EPB41L3: variants seen among roughly 807,000 people sequenced by gnomAD.
EPB41L3 encodes the protein erythrocyte membrane protein band 4.1 like 3.
In EPB41L3, 57 loss-of-function variants were observed where a neutral mutation model predicts 127.1. That is an observed-to-expected ratio of 0.45 (90% CI 0.36 to 0.56). The LOEUF is 0.56. EPB41L3 is among the 20% of genes least tolerant of loss of function. The probability of loss-of-function intolerance (pLI) is 0.00; values close to 1 mark genes in which losing one functional copy is unlikely to be tolerated. For synonymous variants in EPB41L3, 572 were observed against 549.5 expected, an observed-to-expected ratio of 1.04 and a Z score of -0.57; for missense variants, 1,273 against 1,372.2, an observed-to-expected ratio of 0.93 and a Z score of 1.14.
chr18:5,568,448 A>AT (rs71163238), intron 3 of EPB41L3, among the ~76,000 whole-genome samples: 1 of 150,138 alleles, frequency 6.7e-6, no homozygotes, highest in African/African-American at 2.4e-5. Flanking sequence ...AAAAAAAAAA[A>AT]GTATGAGAGA....
At chr18:5,531,436 C>CTA (rs1237887107) in intron 1 of EPB41L3, among the ~76,000 whole-genome samples, 1 of 152,070 alleles carries the variant, frequency 6.6e-6, no homozygotes, top group Non-Finnish European at 1.5e-5. Flanking sequence ...AGAAAAAAGA[C>CTA]TATAGGTTGG....
At chr18:5,503,383 G>GA (rs1009107386) in intron 1 of EPB41L3, among the ~76,000 whole-genome samples, 5 of 152,074 alleles carry the variant, frequency 3.3e-5, no homozygotes, top group African/African-American at 7.2e-5. Flanking sequence ...CGGAGTGCCC[G>GA]AAAAAAACAT....
chr18:5,445,738 G>A (rs1027901774), intron 3 of EPB41L3, among the ~76,000 whole-genome samples: 1 of 152,224 alleles, frequency 6.6e-6, no homozygotes, highest in Non-Finnish European at 1.5e-5. Flanking sequence ...CACAGCAAGA[G>A]GTGGGTGGCA....
rs202173339 is a variant in EPB41L3 at position 5,469,269 on chromosome 18, T to TG, written c.381+8971dup. Among the ~76,000 whole-genome samples the TG allele has an allele frequency of 5.6e-3, 860 of 152,264 alleles. 4 individuals are homozygous for TG. The highest frequency in any genetic ancestry group is 0.019 in the African/African-American group (802 of 41,564). ...TGAGCCAGGGCTGTGACATCCTCTT[T>TG]GGGGGGTCTGTGGTTTCTGGCATCT... On this transcript the variant is annotated intron_variant, in intron 3 of 22. Coordinates refer to ENST00000341928, the MANE Select transcript of EPB41L3 (RefSeq NM_012307.5).
intron 10 of EPB41L3, 65 bp from the exon 11 acceptor site, chr18:5,423,618 C>CT (rs2077753401): frequency 7.0e-7 from 1 of 1,437,280 alleles, no homozygotes; most frequent in Non-Finnish European, 9.4e-7. Context: ...GCTTTTTAAA[C>CT]TTTTTACTCT....
chr18:5,425,282 T>TG (rs1324971453), intron 9 of EPB41L3, among the ~76,000 whole-genome samples: 3 of 152,198 alleles, frequency 2.0e-5, no homozygotes, highest in Non-Finnish European at 4.4e-5. Context: ...TTGTTGAGGA[T>TG]GATTAGGGGA....
At position 5,397,450 on chromosome 18, in the gene EPB41L3, T is replaced by C. The variant is rs753866748; in HGVS notation, c.2473-24A>G. The C allele has an allele frequency of 3.8e-6, 6 of 1,586,520 alleles. No individual in the cohort carries two copies. In the South Asian group the frequency reaches 6.9e-5, roughly 18 times the overall value. On this transcript the variant is annotated intron_variant, in intron 17 of 22. Coordinates refer to ENST00000341928, the MANE Select transcript of EPB41L3 (RefSeq NM_012307.5). This position sits in a 1 kb window ranked among gnomAD's most constrained non-coding sequence, Gnocchi z 4.1. Reference sequence around the variant, plus strand: ...TTCTGCATGGGAAGAGATTGTGGCATCAGTGTGACCATCCATAAACCAAAG... The same window carrying C: ...TTCTGCATGGGAAGAGATTGTGGCACCAGTGTGACCATCCATAAACCAAAG...
In EPB41L3 at chr18:5,496,190, C is replaced by T. The variant is rs368675871; in HGVS notation, c.-11-6996G>A. 9.2e-5 allele frequency among the ~76,000 whole-genome samples: 14 copies of T among 152,254 alleles called. 2 individuals are homozygous for T. The South Asian group carries it at 1.9e-3, about 20-fold the overall frequency. On this transcript the variant is annotated intron_variant, in intron 1 of 22. Transcript: ENST00000341928. ...TTCAAAAATGTTTAGATCTTCTATG[C>T]GTGAGCAGAAAAATCAACAAATATA...
At chr18:5,417,203 C>T (rs1022133539) in intron 12 of EPB41L3, among the ~76,000 whole-genome samples, 8 of 152,080 alleles carry the variant, frequency 5.3e-5, no homozygotes, top group African/African-American at 1.9e-4. Flanking sequence ...ATATAATTTC[C>T]CAGCCTTCTG....
intron 3 of EPB41L3, among the ~76,000 whole-genome samples, chr18:5,599,264 C>T (rs1348415586): frequency 1.3e-5 from 2 of 152,166 alleles, no homozygotes; most frequent in Non-Finnish European, 2.9e-5. Context: ...AAATATTACT[C>T]CCATTGTAAT....
rs550438645 is a variant in EPB41L3, at chr18:5,397,172, G to A, written c.2727C>T (p.Val909=). The change falls in exon 18 of 23, where the codon GTC becomes GTT. Residue 909 remains valine (V), a synonymous_variant. Transcript: ENST00000341928. This position sits in a 1 kb window ranked among gnomAD's most constrained non-coding sequence, Gnocchi z 4.1. Reference sequence around the variant, plus strand: ...CTTCCTGTTCCAGGACAGCTTTAGCGACCTCCTCCCCTCCTTCCTCTTTAG... The same window carrying A: ...CTTCCTGTTCCAGGACAGCTTTAGCAACCTCCTCCCCTCCTTCCTCTTTAG... ...EGAKEEGGEE[V]AKAVLEQEET... The A allele has an allele frequency of 5.6e-6, 9 of 1,614,158 alleles. No individual in the cohort carries two copies. Among genetic ancestry groups the A allele is most frequent in the African/African-American group, 2.7e-5 (2 of 75,046 alleles).
intron 3 of EPB41L3, among the ~76,000 whole-genome samples, chr18:5,565,605 T>TCCCCCCCC (rs2094188427): frequency 1.5e-5 from 1 of 65,840 alleles, no homozygotes; most frequent in Non-Finnish European, 2.9e-5. Flanking sequence ...TTGTTATCCC[T>TCCCCCCCC]CCCCCCTCCC....
At chr18:5,425,841 G>A (rs934160873) in intron 9 of EPB41L3, among the ~76,000 whole-genome samples, 1 of 152,178 alleles carries the variant, frequency 6.6e-6, no homozygotes, top group African/African-American at 2.4e-5. Flanking sequence ...ACGACCTGCT[G>A]CCTCTGCTAC....
At chr18:5,583,167 A>G (rs2094410695) in intron 3 of EPB41L3, among the ~76,000 whole-genome samples, 1 of 152,240 alleles carries the variant, frequency 6.6e-6, no homozygotes, top group South Asian at 2.1e-4. Context: ...TGAGACAGTC[A>G]GACAACTGTC....
intron 1 of EPB41L3, 121 bp from the exon 2 acceptor site, chr18:5,489,315 C>T (rs900069792): frequency 6.9e-6 from 8 of 1,160,876 alleles, no homozygotes; most frequent in Non-Finnish European, 9.4e-6. Context: ...TGCTACCAAA[C>T]CCCATCCTAT....
At chr18:5,592,974 C>T (rs932234374) in intron 3 of EPB41L3, among the ~76,000 whole-genome samples, 1 of 152,218 alleles carries the variant, frequency 6.6e-6, no homozygotes, top group African/African-American at 2.4e-5. Context: ...ACTGCCCGAA[C>T]ATGACAGCTA....
Position 5,508,968 on chromosome 18 carries a change from G to C in EPB41L3, c.-11-19774C>G, listed in dbSNP as rs137920708. 2.6e-5 allele frequency among the ~76,000 whole-genome samples: 4 copies of C among 152,250 alleles called. No homozygotes were observed. The East Asian group carries it at 7.7e-4, about 29-fold the overall frequency. ...TCAATGCCATCTGCCTGGGAGTGCT[G>C]AGCAGTCTCTCATGGAAGTGTTACA... On this transcript the variant is annotated intron_variant, in intron 1 of 22. Coordinates refer to ENST00000341928, the MANE Select transcript of EPB41L3 (RefSeq NM_012307.5).
chr18:5,493,875 G>A (rs2090878336), intron 1 of EPB41L3, among the ~76,000 whole-genome samples: 2 of 152,046 alleles, frequency 1.3e-5, no homozygotes. Flanking sequence ...AGTTCTCCAG[G>A]TTTGACACCC....
intron 2 of EPB41L3, chr18:5,479,770 A>C (rs1049117811): frequency 6.6e-6 from 1 of 152,326 alleles, no homozygotes. Flanking sequence ...TAAAAAAAAA[A>C]AAGTAAATAA....
Sources: gnomAD v4.1 joint callset for allele counts (sites outside exome capture counted in the v4.1 genomes callset) on GRCh38, gnomAD v4.1.1 for gene constraint, Gnocchi (gnomAD v3.1) non-coding constraint, MANE v1.5 for transcripts, NCBI Gene and HGNC (gene_info 2026-07-23, HGNC 2026-07-21) for gene names.